The following PPP1R17 variants were observed in gnomAD, a reference collection of about 807,000 sequenced individuals.
The protein encoded by PPP1R17 is protein phosphatase 1 regulatory subunit 17.
PPP1R17 carries 12 observed loss-of-function variants against 15.9 expected under a neutral mutation model. The observed-to-expected ratio is 0.75, with a 90% CI of 0.48 to 1.22. The LOEUF (loss-of-function observed/expected upper bound fraction) is 1.22. PPP1R17 is among the 50% of genes most tolerant of loss of function. PPP1R17 has a pLI of 0.00. For missense variants in PPP1R17, 211 were observed against 187.3 expected (o/e 1.13, Z -0.74); for synonymous variants, 63 against 64.5 (o/e 0.98, Z 0.11).
Position 31,707,143 on chromosome 7 carries a change from C to A in PPP1R17, c.389-61C>A, listed in dbSNP as rs890072110. The A allele has an allele frequency of 5.5e-5, 82 of 1,490,674 alleles. No homozygotes were observed. In the African/African-American group the frequency reaches 1.1e-3, roughly 20 times the overall value. 92.3% of individuals were successfully genotyped at this position (1,490,674 alleles called of 1,614,324 possible). A position where few individuals can be genotyped will look rare whatever the true frequency, so the allele number is the denominator to read the frequency against. On this transcript the variant is annotated intron_variant, in intron 4 of 4. Coordinates refer to ENST00000342032, the MANE Select transcript of PPP1R17 (RefSeq NM_006658.5). ...TGCTCCTTTGTACTGTGTCTGTCTG[C>A]AACGTTGCCTAATGTTTTAATTAGA...
chr7:31,697,846 A>G (rs768946172), intron 4 of PPP1R17, among the ~76,000 whole-genome samples: 38 of 152,226 alleles, frequency 2.5e-4, no homozygotes, highest in Non-Finnish European at 4.8e-4. Flanking sequence ...AATATAATAG[A>G]GAGGCTATTA....
chr7:31,692,426 C>T lies in PPP1R17; in HGVS notation c.-16C>T, dbSNP rs1365146103. 6 of 1,585,774 alleles carry T rather than the reference C, an allele frequency of 3.8e-6. No individual in the cohort carries two copies. Among genetic ancestry groups the T allele is most frequent in the Non-Finnish European group, 4.3e-6 (5 of 1,154,876 alleles). On this transcript the variant is annotated 5_prime_UTR_variant, in exon 2 of 5. Transcript: ENST00000342032. ...CTTAGTGCTGGAGAAGAAATACATC[C>T]ACCCACCCTCCTTTGATGATGTCCA...
rs1448471536 is a variant in PPP1R17 at position 31,697,785 on chromosome 7, G to T, written c.388+668G>T. Among the ~76,000 whole-genome samples the T allele has an allele frequency of 2.6e-5, 4 of 152,176 alleles. No homozygotes were observed. In the East Asian group the frequency reaches 7.7e-4, roughly 29 times the overall value. On this transcript the variant is annotated intron_variant, in intron 4 of 4. Transcript: ENST00000342032. ...TAATGTTTTTGAGATCCTACTAAAT[G>T]TTAGGCACTCAGTTTATCATGTCTC...
At position 31,698,762 on chromosome 7, in the gene PPP1R17, G is replaced by A. The variant is rs955067602; in HGVS notation, c.388+1645G>A. On this transcript the variant is annotated intron_variant, in intron 4 of 4. Coordinates refer to ENST00000342032, the MANE Select transcript of PPP1R17 (RefSeq NM_006658.5). ...GTGAAGAAAATAAATCTAGTTAGAT[G>A]AAGAATGGGAGATAGAAATTGCTTC... 3.9e-5 allele frequency among the ~76,000 whole-genome samples: 6 copies of A among 152,206 alleles called. No homozygotes were observed. The East Asian group carries it at 1.2e-3, about 29-fold the overall frequency.
At chr7:31,704,535 G>C (rs1467215672) in intron 4 of PPP1R17, among the ~76,000 whole-genome samples, 1 of 152,188 alleles carries the variant, frequency 6.6e-6, no homozygotes, top group Non-Finnish European at 1.5e-5. Context: ...TCTTGTGCCA[G>C]ATGTTAGCAT....
chr7:31,702,131 T>C (rs1314292027), intron 4 of PPP1R17, among the ~76,000 whole-genome samples: 2 of 152,192 alleles, frequency 1.3e-5, no homozygotes, highest in East Asian at 3.9e-4. Context: ...TTAGTCATTC[T>C]ACAGGTTATG....
chr7:31,688,937 C>T (rs1197632899), intron 1 of PPP1R17, among the ~76,000 whole-genome samples: 1 of 152,222 alleles, frequency 6.6e-6, no homozygotes, highest in Non-Finnish European at 1.5e-5. Context: ...TTAAGTTCAA[C>T]ACAAACTCAT....
chr7:31,708,426 GC>G lies in PPP1R17; in HGVS notation c.*1144del, dbSNP rs1793156710. Reference sequence around the variant, plus strand: ...TCACAAAGATGGAAAAGATACAAGAGCTTGCCGGAAATAAAGCTACATCTAT... The same window carrying G: ...TCACAAAGATGGAAAAGATACAAGAGTTGCCGGAAATAAAGCTACATCTAT... On this transcript the variant is annotated 3_prime_UTR_variant, in exon 5 of 5. Transcript: ENST00000342032. The G allele has an allele frequency of 6.6e-6, 1 of 152,214 alleles. No homozygotes were observed. The highest frequency in any genetic ancestry group is 1.5e-5 in the Non-Finnish European group (1 of 68,048). The allele number at this position is 152,214 out of a possible 1,614,324, so 9.4% of individuals were successfully genotyped here.
At chr7:31,694,368 G>GCT (rs58613705) in intron 2 of PPP1R17, among the ~76,000 whole-genome samples, 30 of 119,462 alleles carry the variant, frequency 2.5e-4, no homozygotes, top group East Asian at 5.6e-4. Context: ...AACAATTTTA[G>GCT]CTCTCTCTCT....
Position 31,695,638 on chromosome 7 carries a change from T to C in PPP1R17, c.235+17T>C, listed in dbSNP as rs558171205. 4 of 1,605,572 alleles carry C rather than the reference T, an allele frequency of 2.5e-6. No homozygotes were observed. In the East Asian group the frequency reaches 6.7e-5, roughly 27 times the overall value. ...TCATACCAGGTAATGGACAAAGTCA[T>C]CTGCACAGCTGTAAAGGAGAGCCAC... On this transcript the variant is annotated intron_variant, in intron 3 of 4. Coordinates refer to ENST00000342032, the MANE Select transcript of PPP1R17 (RefSeq NM_006658.5).
chr7:31,701,335 G>A (rs1312708260), intron 4 of PPP1R17, among the ~76,000 whole-genome samples: 4 of 152,198 alleles, frequency 2.6e-5, no homozygotes, highest in Non-Finnish European at 4.4e-5. Context: ...GAAATAGCAA[G>A]AGAATTAGAA....
At chr7:31,689,612 G>A (rs989660812) in intron 1 of PPP1R17, among the ~76,000 whole-genome samples, 20 of 152,036 alleles carry the variant, frequency 1.3e-4, no homozygotes, top group South Asian at 8.3e-4. Flanking sequence ...CATAAAGAGC[G>A]CCCCTTCTCA....
chr7:31,689,194 G>T (rs995094288), intron 1 of PPP1R17, among the ~76,000 whole-genome samples: 2 of 152,120 alleles, frequency 1.3e-5, no homozygotes, highest in Non-Finnish European at 2.9e-5. Context: ...CCCTGTGTGA[G>T]TGTTAGAATT....
In PPP1R17 at chr7:31,695,458, G is replaced by A. The variant is rs1275537013; in HGVS notation, c.83-11G>A. On this transcript the variant is annotated splice_polypyrimidine_tract_variant and intron_variant, in intron 2 of 4. Coordinates refer to ENST00000342032, the MANE Select transcript of PPP1R17 (RefSeq NM_006658.5). ...TATATTCTTTATTTCTTTGTATCCTGTCAAAATTAGATGATCTTTCAGACC... is the reference window on the plus strand; with the variant it reads ...TATATTCTTTATTTCTTTGTATCCTATCAAAATTAGATGATCTTTCAGACC... 6.3e-7 allele frequency: 1 copy of A among 1,590,464 alleles called. No homozygotes were observed. Among genetic ancestry groups the A allele is most frequent in the South Asian group, 1.2e-5 (1 of 86,502 alleles).
At chr7:31,705,501 A>T (rs1793029277) in intron 4 of PPP1R17, among the ~76,000 whole-genome samples, 1 of 152,234 alleles carries the variant, frequency 6.6e-6, no homozygotes, top group Non-Finnish European at 1.5e-5. Context: ...TTTATGCAAA[A>T]GCTGTAGTTT....
intron 1 of PPP1R17, among the ~76,000 whole-genome samples, chr7:31,689,283 A>T (rs147358814): frequency 1.0e-3 from 155 of 152,340 alleles, no homozygotes; most frequent in Non-Finnish European, 1.8e-3. Flanking sequence ...CAGTTTATGA[A>T]AACACCCCCA....
At chr7:31,693,926 A>G (rs75813516) in intron 2 of PPP1R17, among the ~76,000 whole-genome samples, 6,655 of 152,302 alleles carry the variant, frequency 0.044, 237 homozygotes, top group African/African-American at 0.09. Flanking sequence ...TAGCCAAACT[A>G]TATCCAGGCC....
intron 1 of PPP1R17, among the ~76,000 whole-genome samples, chr7:31,687,539 T>C (rs1239230688): frequency 6.6e-6 from 1 of 152,168 alleles, no homozygotes; most frequent in Non-Finnish European, 1.5e-5. Flanking sequence ...ATTTGCAAAG[T>C]TTCAAGATGA....
chr7:31,695,928 AAC>A (rs538955338), intron 3 of PPP1R17: 203 of 195,338 alleles, frequency 1.0e-3, no homozygotes, highest in African/African-American at 4.6e-3. Flanking sequence ...TGACATCATA[AAC>A]ACATGGTGAG....
Sources: allele counts gnomAD v4.1 joint callset (sites outside exome capture counted in the v4.1 genomes callset), GRCh38; gene constraint gnomAD v4.1.1; transcripts MANE v1.5; gene names NCBI Gene and HGNC (gene_info 2026-07-23, HGNC 2026-07-21).